KCNK10: variants seen among roughly 807,000 people sequenced by gnomAD.
KCNK10 encodes the protein potassium two pore domain channel subfamily K member 10.
Under a neutral mutation model 47.7 loss-of-function variants are expected in KCNK10, and 25 were observed. That is an observed-to-expected ratio of 0.52 (90% CI 0.38 to 0.73). KCNK10 has a LOEUF of 0.73. KCNK10 is among the 30% of genes least tolerant of loss of function. KCNK10 has a pLI of 0.00. For synonymous variants in KCNK10, 303 were observed against 285.6 expected, an observed-to-expected ratio of 1.06 and a Z score of -0.61; for missense variants, 563 against 714.5, an observed-to-expected ratio of 0.79 and a Z score of 2.42.
At chr14:88,275,046 G>A (rs1472501044) in intron 1 of KCNK10, among the ~76,000 whole-genome samples, 3 of 152,008 alleles carry the variant, frequency 2.0e-5, no homozygotes, top group Non-Finnish European at 4.4e-5. Context: ...ACTCCCTCAT[G>A]CCCCCAGCCT....
At position 88,184,894 on chromosome 14, in the gene KCNK10, TA is replaced by T. The variant is rs1347992942; in HGVS notation, c.*640del. 6.5e-6 allele frequency: 1 copy of T among 152,892 alleles called. No homozygotes were observed. Among genetic ancestry groups the T allele is most frequent in the African/African-American group, 2.4e-5 (1 of 41,410 alleles). 9.5% of individuals were successfully genotyped at this position (152,892 alleles called of 1,614,324 possible). The stretch of plus-strand genomic sequence containing the variant: ...ATCCACAGTGTGATGTGTTTGTGAT[TA>T]TTTTTTTTCTTTTGTCATGAGAAAA... On this transcript the variant is annotated 3_prime_UTR_variant, in exon 7 of 7. Coordinates refer to ENST00000319231, the MANE Select transcript of KCNK10 (RefSeq NM_138317.3).
chr14:88,278,293 TC>T (rs1335254238), intron 1 of KCNK10, among the ~76,000 whole-genome samples: 1 of 152,096 alleles, frequency 6.6e-6, no homozygotes, highest in Non-Finnish European at 1.5e-5. Flanking sequence ...AATCCCGTCT[TC>T]CCCATATGAG....
intron 2 of KCNK10, among the ~76,000 whole-genome samples, chr14:88,251,660 T>C (rs1005084862): frequency 3.9e-5 from 6 of 152,254 alleles, no homozygotes; most frequent in African/African-American, 1.4e-4. Flanking sequence ...AATGGCAATG[T>C]ACTGATTGAC....
At chr14:88,284,976 A>G (rs1887731215) in intron 1 of KCNK10, among the ~76,000 whole-genome samples, 1 of 152,254 alleles carries the variant, frequency 6.6e-6, no homozygotes, top group South Asian at 2.1e-4. Flanking sequence ...CAATGTCTCT[A>G]GTAAGCACTT....
At chr14:88,297,182 T>C (rs1001499279) in intron 1 of KCNK10, among the ~76,000 whole-genome samples, 1 of 152,226 alleles carries the variant, frequency 6.6e-6, no homozygotes, top group Non-Finnish European at 1.5e-5. Flanking sequence ...TAAACAGATT[T>C]CCTATCAGCC....
intron 3 of KCNK10, among the ~76,000 whole-genome samples, chr14:88,240,231 C>T: frequency 6.6e-6 from 1 of 152,230 alleles, no homozygotes; most frequent in Non-Finnish European, 1.5e-5. Context: ...GTAGCACAAG[C>T]ATGATATTTA....
At chr14:88,216,964 G>A (rs1885641402) in intron 4 of KCNK10, among the ~76,000 whole-genome samples, 1 of 152,170 alleles carries the variant, frequency 6.6e-6, no homozygotes, top group South Asian at 2.1e-4. Context: ...AGACCAGCCT[G>A]GCCAATATGG....
At chr14:88,251,332 A>G (rs1459651360) in intron 2 of KCNK10, among the ~76,000 whole-genome samples, 9 of 152,066 alleles carry the variant, frequency 5.9e-5, no homozygotes, top group Admixed American at 5.2e-4. Context: ...TGCCAGGCAG[A>G]AGGGATATAT....
rs964143217 is a variant in KCNK10, at chr14:88,319,976, T to C, written c.52+2771A>G. ...AAACATTAGAAGAGCACCTAGCACA[T>C]AATTCTATACAGATAAGAGATATGC... On this transcript the variant is annotated intron_variant, in intron 1 of 6. Transcript: ENST00000319231. 2.0e-4 allele frequency among the ~76,000 whole-genome samples: 30 copies of C among 152,322 alleles called. 1 individual carries two copies. Among genetic ancestry groups the C allele is most frequent in the Admixed American group, 1.9e-3 (29 of 15,288 alleles).
intron 1 of KCNK10, among the ~76,000 whole-genome samples, chr14:88,312,189 T>C (rs1888341129): frequency 6.6e-6 from 1 of 152,128 alleles, no homozygotes; most frequent in Admixed American, 6.5e-5. Context: ...TCCTTCAGAA[T>C]ACAAAACTGC....
intron 3 of KCNK10, among the ~76,000 whole-genome samples, chr14:88,240,431 G>A (rs895412598): frequency 2.0e-5 from 3 of 152,168 alleles, no homozygotes; most frequent in Admixed American, 1.3e-4. Flanking sequence ...GAGCTCAAAT[G>A]AGTAACCCGA....
chr14:88,278,319 C>CT (rs1887571917), intron 1 of KCNK10, among the ~76,000 whole-genome samples: 4 of 152,184 alleles, frequency 2.6e-5, no homozygotes, highest in Admixed American at 6.5e-5. Flanking sequence ...GTCCCTTCTC[C>CT]TAGACCCTCA....
Position 88,322,844 on chromosome 14 carries a change from T to C in KCNK10, c.-46A>G. ...GAAGAAATGAAAAGAACCCAAATAA[T>C]AATAAAGTCCTCAAGCTTTACACGC... On this transcript the variant is annotated 5_prime_UTR_variant, in exon 1 of 7. Transcript: ENST00000319231. This position sits in a 1 kb window ranked among gnomAD's most constrained non-coding sequence, Gnocchi z 4.8. 2 of 1,613,736 alleles carry C rather than the reference T, an allele frequency of 1.2e-6. No individual in the cohort carries two copies. Among genetic ancestry groups the C allele is most frequent in the Non-Finnish European group, 8.5e-7 (1 of 1,179,806 alleles).
At chr14:88,227,673 T>G in intron 3 of KCNK10, 138 bp from the exon 4 acceptor site, 1 of 682,854 alleles carries the variant, frequency 1.5e-6, no homozygotes, top group South Asian at 2.6e-5. Context: ...TCAAAGGCCC[T>G]CTACAATTCG....
chr14:88,206,789 T>C (rs192323350), intron 4 of KCNK10, among the ~76,000 whole-genome samples: 3 of 152,356 alleles, frequency 2.0e-5, no homozygotes, highest in East Asian at 1.9e-4. Flanking sequence ...AAAATTTGCA[T>C]TGAATTTTTC....
At chr14:88,314,215 A>T (rs953701365) in intron 1 of KCNK10, among the ~76,000 whole-genome samples, 1 of 152,158 alleles carries the variant, frequency 6.6e-6, no homozygotes, top group Admixed American at 6.5e-5. Flanking sequence ...TTGGAAGGTA[A>T]TTAGGTCATG....
Position 88,185,979 on chromosome 14 carries a change from C to T in KCNK10, c.1188G>A (p.Met396Ile). The change falls in exon 7 of 7, where the codon ATG becomes ATA. Residue 396 changes from methionine (M) to isoleucine (I), a missense_variant. Physicochemically the swap from Met to Ile is conservative, Grantham distance 10. Coordinates refer to ENST00000319231, the MANE Select transcript of KCNK10 (RefSeq NM_138317.3). This position sits in a 1 kb window ranked among gnomAD's most constrained non-coding sequence, Gnocchi z 4.3. ...AGACAGAGCGCTTCTCGGGGGACAG[C>T]ATGTCCAGTGAGTGGGCCCGCTGGT... ...GLDQRAHSLDMLSPEKRSVFA... is the reference protein window; with the variant it reads ...GLDQRAHSLDILSPEKRSVFA... 1 of 1,613,728 alleles carries T rather than the reference C, an allele frequency of 6.2e-7. No homozygotes were observed.
intron 4 of KCNK10, among the ~76,000 whole-genome samples, chr14:88,200,741 C>T (rs1885075324): frequency 6.6e-6 from 1 of 152,196 alleles, no homozygotes; most frequent in South Asian, 2.1e-4. Context: ...CATGTACCTA[C>T]TCTCTGTCAG....
Position 88,184,531 on chromosome 14 carries a change from A to G in KCNK10, c.*1004T>C, listed in dbSNP as rs1884476869. ...GGACAAAAAGCCCTGAGATGGAAAG[A>G]TGCCATGGTCCTCCTCAGTGTGTCT... On this transcript the variant is annotated 3_prime_UTR_variant, in exon 7 of 7. Coordinates refer to ENST00000319231, the MANE Select transcript of KCNK10 (RefSeq NM_138317.3). The G allele has an allele frequency of 6.6e-6, 1 of 152,332 alleles. No individual in the cohort carries two copies. Among genetic ancestry groups the G allele is most frequent in the African/African-American group, 2.4e-5 (1 of 41,442 alleles). The allele number at this position is 152,332 out of a possible 1,614,324, so 9.4% of individuals were successfully genotyped here.
Sources: allele counts gnomAD v4.1 joint callset (sites outside exome capture counted in the v4.1 genomes callset), GRCh38; gene constraint gnomAD v4.1.1; non-coding constraint Gnocchi (gnomAD v3.1); transcripts MANE v1.5; gene names NCBI Gene and HGNC (gene_info 2026-07-23, HGNC 2026-07-21).